Variants in CSMD1 observed in about 807,000 individuals in gnomAD.
CSMD1 encodes CUB and Sushi multiple domains 1.
CSMD1 carries 213 observed loss-of-function variants against 417.5 expected under a neutral mutation model. That is an observed-to-expected ratio of 0.51 (90% confidence interval 0.46 to 0.57). The LOEUF is 0.57. Ranked by LOEUF, CSMD1 falls within the 20% of genes least tolerant of loss-of-function variation. The probability of loss-of-function intolerance (pLI) is 0.00; values close to 1 mark genes in which losing one functional copy is unlikely to be tolerated. For missense variants in CSMD1, 6,923 were observed against 4,529.7 expected, an observed-to-expected ratio of 1.53 and a Z score of -15.17; for synonymous variants, 2,862 against 1,736.8, an observed-to-expected ratio of 1.65 and a Z score of -16.11.
intron 1 of CSMD1, among the ~76,000 whole-genome samples, chr8:4,650,015 G>C (rs759769621): frequency 5.3e-5 from 8 of 152,122 alleles, no homozygotes; most frequent in Non-Finnish European, 1.0e-4. Flanking sequence ...ATTGATATTA[G>C]AATTTATCAT....
intron 1 of CSMD1, among the ~76,000 whole-genome samples, chr8:4,753,177 G>A (rs1434553774): frequency 2.6e-5 from 4 of 152,050 alleles, no homozygotes; most frequent in African/African-American, 7.2e-5. Context: ...CATACAGGAG[G>A]CAATGGAGAC....
intron 1 of CSMD1, among the ~76,000 whole-genome samples, chr8:4,711,749 T>C (rs1424831353): frequency 6.6e-6 from 1 of 152,166 alleles, no homozygotes; most frequent in Non-Finnish European, 1.5e-5. Context: ...GTTTGGTGTG[T>C]TTATGTAGTT....
intron 1 of CSMD1, among the ~76,000 whole-genome samples, chr8:4,693,263 T>C (rs1806892780): frequency 6.6e-6 from 1 of 152,176 alleles, no homozygotes; most frequent in Non-Finnish European, 1.5e-5. Context: ...AATAACAAGT[T>C]CAAGGTTCAT....
At chr8:3,761,837 C>T (rs1798021115) in intron 5 of CSMD1, among the ~76,000 whole-genome samples, 2 of 152,018 alleles carry the variant, frequency 1.3e-5, no homozygotes, top group African/African-American at 4.8e-5. Flanking sequence ...TCATTTCTTC[C>T]ACCCGGAGCG....
chr8:4,103,496 A>G (rs957092458), intron 3 of CSMD1, among the ~76,000 whole-genome samples: 9 of 150,878 alleles, frequency 6.0e-5, no homozygotes, highest in Non-Finnish European at 1.0e-4. Context: ...ATATATAAAT[A>G]AACATATAAA....
At chr8:4,546,463 C>T (rs766986083) in intron 2 of CSMD1, among the ~76,000 whole-genome samples, 3 of 152,234 alleles carry the variant, frequency 2.0e-5, no homozygotes, top group East Asian at 1.9e-4. Flanking sequence ...CCACGGGCAC[C>T]GACCAACCCA....
chr8:3,223,661 A>G lies in CSMD1; in HGVS notation c.4484+68T>C, dbSNP rs1030570683. The G allele has an allele frequency of 1.2e-5, 18 of 1,539,276 alleles. No homozygotes were observed. In the East Asian group the frequency reaches 4.0e-4, roughly 35 times the overall value. On this transcript the variant is annotated intron_variant, in intron 28 of 69. Coordinates refer to ENST00000635120, the MANE Select transcript of CSMD1 (RefSeq NM_033225.6). ...TAACATTAGAGACTATGAGGTCATAAAAGAAGTAATTTTTAGGTATGGAAT... is the reference window on the plus strand; with the variant it reads ...TAACATTAGAGACTATGAGGTCATAGAAGAAGTAATTTTTAGGTATGGAAT...
chr8:4,991,824 T>C (rs2117482484), intron 1 of CSMD1, among the ~76,000 whole-genome samples: 1 of 152,248 alleles, frequency 6.6e-6, no homozygotes, highest in Non-Finnish European at 1.5e-5. Context: ...CTGCAGCCCC[T>C]TCCCAGGCCG....
intron 1 of CSMD1, among the ~76,000 whole-genome samples, chr8:4,769,365 T>C (rs1244790735): frequency 6.6e-6 from 1 of 152,200 alleles, no homozygotes; most frequent in South Asian, 2.1e-4. Flanking sequence ...TTTTATTCAA[T>C]GAGGGAATTA....
At chr8:3,245,189 G>A (rs1019298434) in intron 26 of CSMD1, among the ~76,000 whole-genome samples, 1 of 152,112 alleles carries the variant, frequency 6.6e-6, no homozygotes, top group Non-Finnish European at 1.5e-5. Context: ...CCTGTCTTCT[G>A]AGTTGCTCAA....
At chr8:4,164,504 C>G (rs1046447166) in intron 3 of CSMD1, among the ~76,000 whole-genome samples, 1 of 152,016 alleles carries the variant, frequency 6.6e-6, no homozygotes, top group African/African-American at 2.4e-5. Flanking sequence ...CCAGCTAATC[C>G]TACCAATGTC....
intron 7 of CSMD1, chr8:3,702,167 C>A (rs1044741366): frequency 6.6e-6 from 1 of 152,258 alleles, no homozygotes. Flanking sequence ...AAAAAATCAT[C>A]TTTTTATTAA....
rs964787981 is a variant in CSMD1, at chr8:3,753,877, A to C, written c.931+53T>G. ...TAAAATTTCATGGCTAGAAAGGATC[A>C]AAATATATTACGCTCTGTTTTTTTT... On this transcript the variant is annotated intron_variant, in intron 6 of 69. Transcript: ENST00000635120. The C allele has an allele frequency of 2.3e-6, 3 of 1,308,976 alleles. No homozygotes were observed. In the African/African-American group the frequency reaches 4.4e-5, roughly 19 times the overall value. 81.1% of individuals were successfully genotyped at this position (1,308,976 alleles called of 1,614,324 possible).
Position 4,124,908 on chromosome 8 carries a change from G to C in CSMD1, c.416-92809C>G, listed in dbSNP as rs138697801. 4.1e-3 allele frequency among the ~76,000 whole-genome samples: 628 copies of C among 152,256 alleles called. 6 individuals are homozygous for C. Among genetic ancestry groups the C allele is most frequent in the African/African-American group, 0.014 (595 of 41,536 alleles). ...GCGGAGGGGTTATAAGGAGATATAA[G>C]CATAAGACACCCAAGCCAGAAACAG... On this transcript the variant is annotated intron_variant, in intron 3 of 69. Coordinates refer to ENST00000635120, the MANE Select transcript of CSMD1 (RefSeq NM_033225.6).
intron 11 of CSMD1, among the ~76,000 whole-genome samples, chr8:3,481,484 T>C (rs911719002): frequency 1.3e-5 from 2 of 152,122 alleles, no homozygotes; most frequent in Non-Finnish European, 2.9e-5. Flanking sequence ...TTCGCATTAG[T>C]TGTAGTAAGA....
chr8:4,551,224 C>T (rs1410214795), intron 2 of CSMD1, among the ~76,000 whole-genome samples: 1 of 151,946 alleles, frequency 6.6e-6, no homozygotes, highest in African/African-American at 2.4e-5. Context: ...TCCTGTAATA[C>T]TGAAAATCCT....
At chr8:4,764,445 A>G (rs1476981773) in intron 1 of CSMD1, among the ~76,000 whole-genome samples, 2 of 152,180 alleles carry the variant, frequency 1.3e-5, no homozygotes, top group Non-Finnish European at 2.9e-5. Flanking sequence ...AATTGAAGAT[A>G]ATTTTACGTT....
chr8:4,221,407 G>A (rs1316948100), intron 3 of CSMD1, among the ~76,000 whole-genome samples: 1 of 151,296 alleles, frequency 6.6e-6, no homozygotes, highest in Non-Finnish European at 1.5e-5. Flanking sequence ...CACATTGACA[G>A]CAGCAAAACT....
At chr8:3,615,818 T>G (rs1228507539) in intron 8 of CSMD1, among the ~76,000 whole-genome samples, 1 of 152,276 alleles carries the variant, frequency 6.6e-6, no homozygotes, top group Non-Finnish European at 1.5e-5. Flanking sequence ...TTGTTTCTCT[T>G]TACTATTTTA....
Sources: gnomAD v4.1 joint callset for allele counts (sites outside exome capture counted in the v4.1 genomes callset) on GRCh38, gnomAD v4.1.1 for gene constraint, MANE v1.5 for transcripts, NCBI Gene and HGNC (gene_info 2026-07-23, HGNC 2026-07-21) for gene names.